ASTN1: variants seen among roughly 807,000 people sequenced by gnomAD.
The protein encoded by ASTN1 is astrotactin 1.
Under a neutral mutation model 140.7 loss-of-function variants are expected in ASTN1, and 41 were observed. The ratio of observed to expected loss-of-function variants is 0.29; its 90% CI spans 0.23 to 0.38. The LOEUF (loss-of-function observed/expected upper bound fraction) is 0.38. Ranked by LOEUF, ASTN1 falls within the 10% of genes least tolerant of loss-of-function variation. The pLI is 1.00. For synonymous variants in ASTN1, 640 were observed against 652.2 expected (o/e 0.98, Z 0.29); for missense variants, 1,479 against 1,678.8 (o/e 0.88, Z 2.08).
intron 1 of ASTN1, among the ~76,000 whole-genome samples, chr1:177,152,927 T>C (rs1683100157): frequency 6.6e-6 from 1 of 152,108 alleles, no homozygotes; most frequent in African/African-American, 2.4e-5. Flanking sequence ...GACCCAAATG[T>C]ATTATGGAAT....
chr1:177,029,609 C>A (rs1242797660), intron 5 of ASTN1, 25 bp downstream of exon 5: 1 of 1,607,308 alleles, frequency 6.2e-7, no homozygotes, highest in Non-Finnish European at 8.5e-7. Context: ...CCTTTACCAC[C>A]TTCTGCCACC....
At chr1:177,044,496 G>A (rs1571700292) in intron 2 of ASTN1, among the ~76,000 whole-genome samples, 1 of 152,276 alleles carries the variant, frequency 6.6e-6, no homozygotes, top group East Asian at 1.9e-4. Flanking sequence ...CCAGGACCTC[G>A]GGCGCAGGCC....
At chr1:176,939,962 G>T (rs548653195) in intron 14 of ASTN1, among the ~76,000 whole-genome samples, 85 of 152,044 alleles carry the variant, frequency 5.6e-4, no homozygotes, top group Non-Finnish European at 1.1e-3. Context: ...AAATGTCAGG[G>T]ATATATGTAT....
chr1:177,134,045 G>A (rs575115323), intron 1 of ASTN1, among the ~76,000 whole-genome samples: 4 of 152,308 alleles, frequency 2.6e-5, no homozygotes, highest in African/African-American at 9.6e-5. Context: ...GCAAATAACA[G>A]CAGCAGAAAT....
chr1:176,982,860 G>T (rs1244315271), intron 8 of ASTN1, among the ~76,000 whole-genome samples: 3 of 152,188 alleles, frequency 2.0e-5, no homozygotes, highest in Non-Finnish European at 4.4e-5. Flanking sequence ...AGGAGTTCAT[G>T]GTCTAGCAGG....
intron 1 of ASTN1, among the ~76,000 whole-genome samples, chr1:177,079,575 T>C (rs1679080990): frequency 6.6e-6 from 1 of 152,158 alleles, no homozygotes. Flanking sequence ...TTCTCTGTTA[T>C]GTGGGCCCTC....
intron 2 of ASTN1, among the ~76,000 whole-genome samples, chr1:177,059,695 A>AT (rs1290816065): frequency 6.6e-6 from 1 of 152,208 alleles, no homozygotes; most frequent in African/African-American, 2.4e-5. Context: ...TTTATCAGAG[A>AT]TTTTATAGAG....
At chr1:177,009,610 T>G (rs1675185464) in intron 8 of ASTN1, among the ~76,000 whole-genome samples, 1 of 152,110 alleles carries the variant, frequency 6.6e-6, no homozygotes. Context: ...CCTGGGACAA[T>G]GAGAATGACA....
chr1:177,039,469 A>G (rs1676872476), intron 2 of ASTN1, among the ~76,000 whole-genome samples: 3 of 152,310 alleles, frequency 2.0e-5, no homozygotes, highest in Admixed American at 1.3e-4. Flanking sequence ...GCAAACCCAC[A>G]TGGAAACTCT....
intron 11 of ASTN1, among the ~76,000 whole-genome samples, chr1:176,955,471 G>C (rs1157265535): frequency 1.3e-5 from 2 of 152,188 alleles, no homozygotes; most frequent in African/African-American, 4.8e-5. Context: ...AGGAAATCGA[G>C]TGTGTCTGCC....
Position 177,012,175 on chromosome 1 carries a change from C to G in ASTN1, c.1523+2616G>C, listed in dbSNP as rs577910059. Reference sequence around the variant, plus strand: ...TATCATTAGTTGGCAATCTGTCAGACAGTTTTCAATTCGAGTGACAGTCTT... The same window carrying G: ...TATCATTAGTTGGCAATCTGTCAGAGAGTTTTCAATTCGAGTGACAGTCTT... On this transcript the variant is annotated intron_variant, in intron 8 of 22. Transcript: ENST00000361833. Among the ~76,000 whole-genome samples the G allele has an allele frequency of 5.9e-5, 9 of 151,988 alleles. No homozygotes were observed. The East Asian group carries it at 1.2e-3, about 20-fold the overall frequency.
At chr1:176,974,319 T>C (rs909596274) in intron 8 of ASTN1, among the ~76,000 whole-genome samples, 2 of 152,206 alleles carry the variant, frequency 1.3e-5, no homozygotes, top group African/African-American at 4.8e-5. Context: ...ATGCAGTCAA[T>C]TTTTAATAAA....
chr1:177,072,776 C>A (rs1208623499), intron 1 of ASTN1, among the ~76,000 whole-genome samples: 1 of 152,164 alleles, frequency 6.6e-6, no homozygotes, highest in Non-Finnish European at 1.5e-5. Context: ...TAGATGAAGT[C>A]TATGCACCAT....
intron 1 of ASTN1, among the ~76,000 whole-genome samples, chr1:177,152,010 G>A (rs1378416016): frequency 6.6e-6 from 1 of 152,156 alleles, no homozygotes; most frequent in Non-Finnish European, 1.5e-5. Flanking sequence ...GAGAAATCAG[G>A]AAGGACAGGA....
intron 8 of ASTN1, among the ~76,000 whole-genome samples, chr1:176,988,401 G>A (rs1321298667): frequency 6.6e-6 from 1 of 151,716 alleles, no homozygotes; most frequent in African/African-American, 2.4e-5. Context: ...AAAAGCTGAA[G>A]GCCAAGGTCT....
At chr1:176,998,075 A>G (rs1177183168) in intron 8 of ASTN1, among the ~76,000 whole-genome samples, 2 of 152,150 alleles carry the variant, frequency 1.3e-5, no homozygotes, top group African/African-American at 2.4e-5. Flanking sequence ...AATAGCTCAC[A>G]TGGTTGCCAT....
At chr1:176,978,546 G>A (rs926562950) in intron 8 of ASTN1, among the ~76,000 whole-genome samples, 6 of 152,218 alleles carry the variant, frequency 3.9e-5, no homozygotes, top group African/African-American at 1.4e-4. Flanking sequence ...GATGGCCTCA[G>A]AGTTTTGAGC....
chr1:176,885,755 G>A (rs1050909253), intron 18 of ASTN1, among the ~76,000 whole-genome samples: 1 of 152,144 alleles, frequency 6.6e-6, no homozygotes, highest in African/African-American at 2.4e-5. Context: ...TGGTGCACAA[G>A]CCCATCCCAG....
At chr1:177,084,806 G>C (rs1679346240) in intron 1 of ASTN1, among the ~76,000 whole-genome samples, 1 of 151,418 alleles carries the variant, frequency 6.6e-6, no homozygotes, top group Non-Finnish European at 1.5e-5. Flanking sequence ...TTTTCTTACT[G>C]CCTTCTTTTT....
Sources: gnomAD v4.1 joint callset for allele counts (sites outside exome capture counted in the v4.1 genomes callset) on GRCh38, gnomAD v4.1.1 for gene constraint, MANE v1.5 for transcripts, NCBI Gene and HGNC (gene_info 2026-07-23, HGNC 2026-07-21) for gene names.